The following GHR variants were observed in gnomAD, a reference collection of about 807,000 sequenced individuals.
GHR encodes the protein GH receptor.
A neutral mutation model predicts 67.1 loss-of-function variants in GHR; 35 were observed. That is an observed-to-expected ratio of 0.52 (90% confidence interval 0.40 to 0.69). GHR has a LOEUF of 0.69. Among genes scored for constraint, GHR ranks in the 30% least tolerant of loss-of-function variants. GHR has a pLI of 0.00. For synonymous variants in GHR, 272 were observed against 269.1 expected (o/e 1.01, Z -0.10); for missense variants, 792 against 764.6 (o/e 1.04, Z -0.42).
At chr5:42,485,808 G>T (rs1459185943) in intron 1 of GHR, among the ~76,000 whole-genome samples, 1 of 152,142 alleles carries the variant, frequency 6.6e-6, no homozygotes, top group Non-Finnish European at 1.5e-5. Flanking sequence ...GACTTAATTT[G>T]GAAAGATATG....
At chr5:42,428,694 A>G (rs867353389) in intron 1 of GHR, among the ~76,000 whole-genome samples, 3 of 152,168 alleles carry the variant, frequency 2.0e-5, no homozygotes, top group African/African-American at 4.8e-5. Context: ...AGGACAGGGG[A>G]AAAATGCCAC....
intron 3 of GHR, among the ~76,000 whole-genome samples, chr5:42,658,566 TG>T (rs1156966846): frequency 6.6e-6 from 1 of 152,212 alleles, no homozygotes; most frequent in Non-Finnish European, 1.5e-5. Context: ...CCAATGCAAA[TG>T]TAATCAGAGC....
intron 1 of GHR, among the ~76,000 whole-genome samples, chr5:42,488,983 C>T (rs1261939491): frequency 1.3e-5 from 2 of 152,218 alleles, no homozygotes; most frequent in Non-Finnish European, 1.5e-5. Context: ...ACACGTCTGT[C>T]AACACAGTTA....
rs1759012568 is a variant in GHR at position 42,721,323 on chromosome 5, G to C, written c.*1899G>C. ...AGAATACTTCTCATTTTTTAAAAAAGCTTAAAACTTTGAAGTTAGCTTTAA... is the reference window on the plus strand; with the variant it reads ...AGAATACTTCTCATTTTTTAAAAAACCTTAAAACTTTGAAGTTAGCTTTAA... On this transcript the variant is annotated 3_prime_UTR_variant, in exon 10 of 10. Transcript: ENST00000230882. 1 of 152,130 alleles carries C rather than the reference G, an allele frequency of 6.6e-6. No homozygotes were observed. Among genetic ancestry groups the C allele is most frequent in the Non-Finnish European group, 1.5e-5 (1 of 68,026 alleles). 9.4% of individuals were successfully genotyped at this position (152,130 alleles called of 1,614,324 possible).
Position 42,615,748 on chromosome 5 carries a change from A to C in GHR, c.71-13290A>C, listed in dbSNP as rs532620585. Reference sequence around the variant, plus strand: ...TTGGAAAAAAACAAAAAACAAAAAAAAAAAAACATAGAATTAATTGAGTTG... The same window carrying C: ...TTGGAAAAAAACAAAAAACAAAAAACAAAAAACATAGAATTAATTGAGTTG... On this transcript the variant is annotated intron_variant, in intron 2 of 9. Transcript: ENST00000230882. 1.4e-4 allele frequency among the ~76,000 whole-genome samples: 21 copies of C among 152,148 alleles called. No homozygotes were observed. The South Asian group carries it at 3.5e-3, about 26-fold the overall frequency.
intron 1 of GHR, among the ~76,000 whole-genome samples, chr5:42,503,601 A>G (rs1746631737): frequency 6.6e-6 from 1 of 152,234 alleles, no homozygotes; most frequent in Non-Finnish European, 1.5e-5. Flanking sequence ...TAGAGATTCC[A>G]CAATGAACAA....
chr5:42,625,762 T>C (rs1256063362), intron 2 of GHR, among the ~76,000 whole-genome samples: 2 of 151,314 alleles, frequency 1.3e-5, no homozygotes, highest in African/African-American at 4.8e-5. Flanking sequence ...ATATGTTTCT[T>C]ATTGGACCTA....
At chr5:42,589,563 AC>A (rs1751667076) in intron 2 of GHR, among the ~76,000 whole-genome samples, 1 of 151,992 alleles carries the variant, frequency 6.6e-6, no homozygotes. Context: ...AAGTGGAAAA[AC>A]TCTGAACTAT....
At chr5:42,559,604 A>G (rs978349052) in intron 1 of GHR, among the ~76,000 whole-genome samples, 2 of 152,180 alleles carry the variant, frequency 1.3e-5, no homozygotes, top group Admixed American at 1.3e-4. Context: ...TTGGAGGCCT[A>G]CTATATATAC....
At chr5:42,656,158 A>C (rs899477699) in intron 3 of GHR, among the ~76,000 whole-genome samples, 1 of 152,146 alleles carries the variant, frequency 6.6e-6, no homozygotes, top group Non-Finnish European at 1.5e-5. Flanking sequence ...TCTGAACGGT[A>C]ACACTCCCAC....
chr5:42,425,981 G>T (rs934433217), intron 1 of GHR, among the ~76,000 whole-genome samples: 1 of 152,128 alleles, frequency 6.6e-6, no homozygotes, highest in East Asian at 1.9e-4. Flanking sequence ...GAACATAACT[G>T]TGCTCACAAA....
chr5:42,523,502 C>T (rs917909356), intron 1 of GHR, among the ~76,000 whole-genome samples: 18 of 152,066 alleles, frequency 1.2e-4, no homozygotes, highest in African/African-American at 2.7e-4. Context: ...TGATGAGTGA[C>T]GTTTGATGCT....
chr5:42,430,776 T>C (rs772770657), intron 1 of GHR, among the ~76,000 whole-genome samples: 2 of 152,074 alleles, frequency 1.3e-5, no homozygotes, highest in Non-Finnish European at 2.9e-5. Context: ...CAAACATTCA[T>C]TTCACTACTC....
chr5:42,465,656 C>T, intron 1 of GHR: 1 of 888,526 alleles, frequency 1.1e-6, no homozygotes, highest in Non-Finnish European at 1.9e-6. Flanking sequence ...GTGAGATCTG[C>T]TACCTCCACG....
At chr5:42,462,947 C>A (rs918204904) in intron 1 of GHR, among the ~76,000 whole-genome samples, 2 of 151,474 alleles carry the variant, frequency 1.3e-5, no homozygotes, top group Non-Finnish European at 2.9e-5. Flanking sequence ...TAAAAAAAAA[C>A]AGAAAATAAT....
chr5:42,586,766 TGCCAG>T (rs2112577571), intron 2 of GHR, among the ~76,000 whole-genome samples: 1 of 152,284 alleles, frequency 6.6e-6, no homozygotes, highest in Non-Finnish European at 1.5e-5. Flanking sequence ...GGGCCCTTCT[TGCCAG>T]GCCGTGAATT....
At chr5:42,675,738 T>C (rs1008645160) in intron 3 of GHR, among the ~76,000 whole-genome samples, 1 of 152,190 alleles carries the variant, frequency 6.6e-6, no homozygotes, top group African/African-American at 2.4e-5. Flanking sequence ...GTAGTATATG[T>C]GCAATTATCT....
At chr5:42,580,844 G>A (rs572346879) in intron 2 of GHR, among the ~76,000 whole-genome samples, 1 of 152,188 alleles carries the variant, frequency 6.6e-6, no homozygotes, top group Non-Finnish European at 1.5e-5. Context: ...GTGGTCCTCA[G>A]CAGAAAGAAG....
chr5:42,598,761 C>G (rs926077104), intron 2 of GHR, among the ~76,000 whole-genome samples: 2 of 152,192 alleles, frequency 1.3e-5, no homozygotes, highest in Non-Finnish European at 2.9e-5. Context: ...CCTTCTGCCT[C>G]TAGTTCCAGA....
Sources: gnomAD v4.1 joint callset for allele counts (sites outside exome capture counted in the v4.1 genomes callset) on GRCh38, gnomAD v4.1.1 for gene constraint, MANE v1.5 for transcripts, NCBI Gene and HGNC (gene_info 2026-07-23, HGNC 2026-07-21) for gene names.